The following KRR1 variants were observed in gnomAD, a reference collection of about 807,000 sequenced individuals.
KRR1 encodes KRR1 small subunit processome component homolog.
A neutral mutation model predicts 50.0 loss-of-function variants in KRR1; 23 were observed. That is an observed-to-expected ratio of 0.46 (90% CI 0.33 to 0.65). The LOEUF (loss-of-function observed/expected upper bound fraction) is 0.65, where lower values mean the gene tolerates loss of function less well. Ranked by LOEUF, KRR1 falls within the 30% of genes least tolerant of loss-of-function variation. KRR1 has a pLI of 0.02. For missense variants in KRR1, 419 were observed against 442.4 expected (o/e 0.95, Z 0.47); for synonymous variants, 133 against 146.3 (o/e 0.91, Z 0.66).
intron 7 of KRR1, 92 bp downstream of exon 7, chr12:75,503,812 C>T: frequency 9.0e-7 from 1 of 1,105,104 alleles, no homozygotes. Flanking sequence ...TATATATACA[C>T]ATATCCCACC....
At position 75,495,820 on chromosome 12, in the gene KRR1, ATT is replaced by A. The variant is rs1287873676; in HGVS notation, c.*3987_*3988del. On this transcript the variant is annotated 3_prime_UTR_variant, in exon 10 of 10. Coordinates refer to ENST00000229214, the MANE Select transcript of KRR1 (RefSeq NM_007043.7). ...CAATGGCTTACTGTTCTAGGAATACATTTAAGAGAAATTTAAATGTGAAAATC... is the reference window on the plus strand; with the variant it reads ...CAATGGCTTACTGTTCTAGGAATACATAAGAGAAATTTAAATGTGAAAATC... 1 of 472,738 alleles carries A rather than the reference ATT, an allele frequency of 2.1e-6. No individual in the cohort carries two copies. The highest frequency in any genetic ancestry group is 3.9e-6 in the Non-Finnish European group (1 of 257,722). 29.3% of individuals were successfully genotyped at this position (472,738 alleles called of 1,614,324 possible).
At chr12:75,502,170 C>T (rs892858261) in intron 7 of KRR1, 170 bp from the exon 8 acceptor site, 1 of 581,046 alleles carries the variant, frequency 1.7e-6, no homozygotes, top group Non-Finnish European at 3.0e-6. Flanking sequence ...AATACATACA[C>T]AAAAGTGTGG....
intron 1 of KRR1, 103 bp downstream of exon 1, chr12:75,511,410 G>C (rs755426650): frequency 6.2e-5 from 64 of 1,037,336 alleles, no homozygotes; most frequent in Non-Finnish European, 8.5e-5. Flanking sequence ...CAACTACACA[G>C]TACAGGCTCC....
At position 75,499,953 on chromosome 12, in the gene KRR1, T is replaced by TAGAC; in HGVS notation, c.1004-6_1004-3dup. On this transcript the variant is annotated splice_region_variant and splice_polypyrimidine_tract_variant and intron_variant, in intron 9 of 9. Coordinates refer to ENST00000229214, the MANE Select transcript of KRR1 (RefSeq NM_007043.7). ...CATCAATTTTAGTTTCAGTAGAAGC[T>TAGAC]AGACAAATTAAAAGCACAACACATG... 1 of 1,593,990 alleles carries TAGAC rather than the reference T, an allele frequency of 6.3e-7. No homozygotes were observed. The highest frequency in any genetic ancestry group is 2.3e-5 in the East Asian group (1 of 44,186).
At chr12:75,507,770 T>G (rs2046429273) in intron 2 of KRR1, among the ~76,000 whole-genome samples, 1 of 151,966 alleles carries the variant, frequency 6.6e-6, no homozygotes. Context: ...TTCTAAAGGC[T>G]CATTATAGCC....
In KRR1 at chr12:75,493,479, C is replaced by T. The variant is rs1006914606; in HGVS notation, c.*6330G>A. 1 of 152,092 alleles carries T rather than the reference C, an allele frequency of 6.6e-6. No individual in the cohort carries two copies. Among genetic ancestry groups the T allele is most frequent in the Admixed American group, 6.6e-5 (1 of 15,254 alleles). The allele number at this position is 152,092 out of a possible 1,614,324, so 9.4% of individuals were successfully genotyped here. On this transcript the variant is annotated 3_prime_UTR_variant, in exon 10 of 10. Transcript: ENST00000229214. ...CTTCATTTCCCCTGGGCACCATGAA[C>T]AAGGGTATGGTGTGTAACAGATCTT...
chr12:75,504,547 C>G (rs1594068492), intron 6 of KRR1, among the ~76,000 whole-genome samples: 1 of 152,040 alleles, frequency 6.6e-6, no homozygotes, highest in African/African-American at 2.4e-5. Context: ...AACCAGGGAT[C>G]AGACACATAG....
Position 75,507,574 on chromosome 12 carries a change from T to C in KRR1, c.259-658A>G, listed in dbSNP as rs561055442. 7.9e-5 allele frequency among the ~76,000 whole-genome samples: 12 copies of C among 152,098 alleles called. No individual in the cohort carries two copies. In the South Asian group the frequency reaches 2.3e-3, roughly 29 times the overall value. ...GTTTACAAAAAAAAAATGAGCTCAA[T>C]CCCAGATGCAGCTACAAAACACAAC... On this transcript the variant is annotated intron_variant, in intron 2 of 9. Transcript: ENST00000229214.
chr12:75,500,605 A>AAT (rs1367981494), intron 9 of KRR1: 18 of 152,038 alleles, frequency 1.2e-4, no homozygotes, highest in Non-Finnish European at 2.5e-4. Context: ...AATAAAGACA[A>AAT]TAATTTGAGA....
chr12:75,493,922 C>T lies in KRR1; in HGVS notation c.*5887G>A, dbSNP rs1034166105. 2 of 152,184 alleles carry T rather than the reference C, an allele frequency of 1.3e-5. No homozygotes were observed. The highest frequency in any genetic ancestry group is 2.9e-5 in the Non-Finnish European group (2 of 68,046). The allele number at this position is 152,184 out of a possible 1,614,324, so 9.4% of individuals were successfully genotyped here. ...CTTTTCCTTTACAGTTTGGAATGCACAACTAAGTATCATAAATGACTTTAT... is the reference window on the plus strand; with the variant it reads ...CTTTTCCTTTACAGTTTGGAATGCATAACTAAGTATCATAAATGACTTTAT... On this transcript the variant is annotated 3_prime_UTR_variant, in exon 10 of 10. Transcript: ENST00000229214.
chr12:75,509,981 G>GA (rs1052451433), intron 1 of KRR1, among the ~76,000 whole-genome samples: 10 of 151,536 alleles, frequency 6.6e-5, no homozygotes, highest in Non-Finnish European at 8.8e-5. Flanking sequence ...ACAACCTCAG[G>GA]AAAAAAACTG....
In KRR1 at chr12:75,511,522, CCGGCTT is replaced by C. The variant is rs1344781112; in HGVS notation, c.70_75del (p.Lys24_Pro25del). On this transcript the variant is annotated inframe_deletion, in exon 1 of 10. Coordinates refer to ENST00000229214, the MANE Select transcript of KRR1 (RefSeq NM_007043.7). ...TCCCACATAACATCACCTTGGTTCT[CCGGCTT>C]CGGCTTCTGGTTACGAAATTCACTT... 5 of 1,614,114 alleles carry C rather than the reference CCGGCTT, an allele frequency of 3.1e-6. No individual in the cohort carries two copies. The highest frequency in any genetic ancestry group is 1.1e-5 in the South Asian group (1 of 91,086).
rs2046422429 is a variant in KRR1, at chr12:75,506,541, T to C, written c.462A>G (p.Lys154=). 2 of 1,611,508 alleles carry C rather than the reference T, an allele frequency of 1.2e-6. No individual in the cohort carries two copies. The highest frequency in any genetic ancestry group is 1.3e-5 in the African/African-American group (1 of 74,278). ...GTTGTCTTCGTTTTACAAATCTCTC[T>C]TTATTCCTTACTAAAGAACCTATTT... is the stretch of plus-strand genomic sequence containing the variant. ...IIKIGSLVRN[K]ERFVKRRQRL... The change falls in exon 4 of 10, where the codon AAA becomes AAG. Residue 154 remains lysine, a synonymous_variant. Transcript: ENST00000229214.
chr12:75,511,236 C>G (rs997249348), intron 1 of KRR1, among the ~76,000 whole-genome samples: 6 of 152,178 alleles, frequency 3.9e-5, no homozygotes, highest in African/African-American at 1.4e-4. Context: ...TCGCCCTAGG[C>G]ATTTTCTTAA....
At position 75,491,700 on chromosome 12, in the gene KRR1, A is replaced by G. The variant is rs888787602; in HGVS notation, c.*8109T>C. ...CTTTTGCATCTCTGTGATTACTAGTAATTATAAATTTCTTCACATAATTGT... is the reference window on the plus strand; with the variant it reads ...CTTTTGCATCTCTGTGATTACTAGTGATTATAAATTTCTTCACATAATTGT... On this transcript the variant is annotated 3_prime_UTR_variant, in exon 10 of 10. Transcript: ENST00000229214. 6.6e-6 allele frequency: 1 copy of G among 152,156 alleles called. No homozygotes were observed. Among genetic ancestry groups the G allele is most frequent in the South Asian group, 2.1e-4 (1 of 4,826 alleles). 9.4% of individuals were successfully genotyped at this position (152,156 alleles called of 1,614,324 possible).
At position 75,492,127 on chromosome 12, in the gene KRR1, C is replaced by T. The variant is rs2046327451; in HGVS notation, c.*7682G>A. 1 of 145,812 alleles carries T rather than the reference C, an allele frequency of 6.9e-6. No individual in the cohort carries two copies. Among genetic ancestry groups the T allele is most frequent in the South Asian group, 2.1e-4 (1 of 4,668 alleles). 9.0% of individuals were successfully genotyped at this position (145,812 alleles called of 1,614,324 possible). A position where few individuals can be genotyped will look rare whatever the true frequency, so the allele number is the denominator to read the frequency against. On this transcript the variant is annotated 3_prime_UTR_variant, in exon 10 of 10. Transcript: ENST00000229214. ...TTTGAGACAGGGTCTCTCACTCTGTCACCCAGGCTGGAGTACAGTGGCTCG... is the reference window on the plus strand; with the variant it reads ...TTTGAGACAGGGTCTCTCACTCTGTTACCCAGGCTGGAGTACAGTGGCTCG...
chr12:75,502,531 G>A, intron 7 of KRR1: 1 of 153,008 alleles, frequency 6.5e-6, no homozygotes, highest in Non-Finnish European at 1.5e-5. Flanking sequence ...CATGTAAAAT[G>A]TGTATAACTG....
intron 6 of KRR1, among the ~76,000 whole-genome samples, 192 bp downstream of exon 6, chr12:75,505,006 A>C (rs559092309): frequency 1.3e-5 from 2 of 152,114 alleles, no homozygotes; most frequent in East Asian, 3.9e-4. Flanking sequence ...CTCCACAGAG[A>C]GCTTCTAAGA....
At chr12:75,505,293 T>A in intron 5 of KRR1, 39 bp from the exon 6 acceptor site, 8 of 1,553,792 alleles carry the variant, frequency 5.1e-6, no homozygotes, top group Non-Finnish European at 7.0e-6. Flanking sequence ...TCACAAGGAT[T>A]TTAATGAGCT....
Sources: allele counts gnomAD v4.1 joint callset (sites outside exome capture counted in the v4.1 genomes callset), GRCh38; gene constraint gnomAD v4.1.1; transcripts MANE v1.5; gene names NCBI Gene and HGNC (gene_info 2026-07-23, HGNC 2026-07-21).